The following CIRSR variants were observed in gnomAD, a reference collection of about 807,000 sequenced individuals.
The protein encoded by CIRSR is corepressor of RBPJ and splicing regulator.
chr2:174,365,580 AAGCCTC>A, the CIRSR span, among the ~76,000 whole-genome samples: 1 of 152,230 alleles, frequency 6.6e-6, no homozygotes. Context: ...GTGGCTGGGG[AAGCCTC>A]ACAATCATGA....
the CIRSR span, among the ~76,000 whole-genome samples, chr2:174,379,273 T>C: frequency 6.6e-6 from 1 of 152,222 alleles, no homozygotes; most frequent in Admixed American, 6.5e-5. Context: ...TTGGTGGCAA[T>C]ATAATGTCAT....
the CIRSR span, chr2:174,380,574 A>T: frequency 7.4e-7 from 1 of 1,346,312 alleles, no homozygotes; most frequent in South Asian, 1.3e-5. Flanking sequence ...ATGATTGAAA[A>T]AGCAACATAA....
At chr2:174,395,441 G>A in the CIRSR span, 53 of 1,077,860 alleles carry the variant, frequency 4.9e-5, no homozygotes, top group East Asian at 1.2e-3. Context: ...TAGGCCTAGA[G>A]AAGCGGAGGC....
At chr2:174,383,537 T>C in the CIRSR span, among the ~76,000 whole-genome samples, 29 of 151,462 alleles carry the variant, frequency 1.9e-4, no homozygotes, top group African/African-American at 4.6e-4. Context: ...TTGGCCAACA[T>C]GGTGAAACTC....
At chr2:174,349,045 A>T in the CIRSR span, 1 of 1,596,310 alleles carries the variant, frequency 6.3e-7, no homozygotes, top group Admixed American at 1.7e-5. Flanking sequence ...TCAGTAGAGG[A>T]AGAGGAGGAG....
chr2:174,380,805 T>G, the CIRSR span: 1 of 1,595,216 alleles, frequency 6.3e-7, no homozygotes, highest in Non-Finnish European at 8.5e-7. Context: ...GTACTTTACC[T>G]CTTTGTTTTC....
the CIRSR span, among the ~76,000 whole-genome samples, chr2:174,375,208 A>C: frequency 6.6e-6 from 1 of 152,202 alleles, no homozygotes; most frequent in Non-Finnish European, 1.5e-5. Flanking sequence ...ACTGGAGGGC[A>C]AATTTCTAGG....
chr2:174,354,340 TTG>T, the CIRSR span, among the ~76,000 whole-genome samples: 3 of 133,740 alleles, frequency 2.2e-5, no homozygotes, highest in Non-Finnish European at 3.1e-5. Context: ...ATATAAGAAA[TTG>T]TCTTTTTATA....
chr2:174,385,907 T>G, the CIRSR span, among the ~76,000 whole-genome samples: 2 of 152,086 alleles, frequency 1.3e-5, no homozygotes, highest in African/African-American at 4.8e-5. Context: ...CACAGAAATA[T>G]ATAATTGATG....
the CIRSR span, chr2:174,380,732 A>G: frequency 1.2e-6 from 2 of 1,611,100 alleles, no homozygotes; most frequent in Non-Finnish European, 1.7e-6. Flanking sequence ...ACATTCATTG[A>G]AAATTCTTTT....
chr2:174,370,120 G>A, the CIRSR span: 55 of 1,288,940 alleles, frequency 4.3e-5, no homozygotes, highest in African/African-American at 2.6e-4. Flanking sequence ...TGAGTTCAAC[G>A]GCGGGCATAA....
At chr2:174,376,960 C>G in the CIRSR span, among the ~76,000 whole-genome samples, 462 of 152,160 alleles carry the variant, frequency 3.0e-3, 4 homozygotes, top group African/African-American at 0.01. Flanking sequence ...AGCACAAGTT[C>G]TTTTGAATGT....
chr2:174,359,134 A>AAGC, the CIRSR span, among the ~76,000 whole-genome samples: 3 of 152,166 alleles, frequency 2.0e-5, no homozygotes, highest in African/African-American at 7.2e-5. Flanking sequence ...CACTTATAAG[A>AAGC]AGCTCAAGAA....
the CIRSR span, among the ~76,000 whole-genome samples, chr2:174,386,877 T>C: frequency 6.6e-6 from 1 of 152,196 alleles, no homozygotes; most frequent in Non-Finnish European, 1.5e-5. Context: ...ATATTTGGCC[T>C]TCAACTATAT....
the CIRSR span, among the ~76,000 whole-genome samples, chr2:174,379,689 C>G: frequency 6.7e-6 from 1 of 149,286 alleles, no homozygotes; most frequent in South Asian, 2.1e-4. Context: ...ATCATTATAG[C>G]TCTCACTATA....
the CIRSR span, among the ~76,000 whole-genome samples, chr2:174,367,224 C>T: frequency 6.6e-6 from 1 of 151,820 alleles, no homozygotes; most frequent in African/African-American, 2.4e-5. Flanking sequence ...GACAGGAGGC[C>T]AGGAGTTGAA....
At chr2:174,368,555 ACAT>A in the CIRSR span, among the ~76,000 whole-genome samples, 1 of 152,260 alleles carries the variant, frequency 6.6e-6, no homozygotes, top group African/African-American at 2.4e-5. Flanking sequence ...GTGGTGGCTC[ACAT>A]CAGTAATCCC....
the CIRSR span, chr2:174,350,578 C>T: frequency 1.2e-6 from 1 of 801,900 alleles, no homozygotes; most frequent in South Asian, 2.1e-5. Flanking sequence ...CCTTCATGAG[C>T]TCTTAGGATC....
At chr2:174,392,547 A>C in the CIRSR span, among the ~76,000 whole-genome samples, 6 of 152,152 alleles carry the variant, frequency 3.9e-5, no homozygotes, top group Non-Finnish European at 8.8e-5. Context: ...ATATAGGTGA[A>C]AGATGATGAG....
Sources: allele counts gnomAD v4.1 joint callset (sites outside exome capture counted in the v4.1 genomes callset), GRCh38; gene constraint gnomAD v4.1.1; transcripts MANE v1.5; gene names NCBI Gene and HGNC (gene_info 2026-07-23, HGNC 2026-07-21).